Variants in NREP observed in about 807,000 individuals in gnomAD.
NREP encodes neuronal regeneration-related protein.
NREP carries 5 observed loss-of-function variants against 8.6 expected under a neutral mutation model. The observed-to-expected ratio is 0.58, with a 90% CI of 0.30 to 1.22. NREP has a LOEUF of 1.22. Ranked by LOEUF, NREP falls within the 50% of genes most tolerant of loss-of-function variation. NREP has a pLI of 0.07. For missense variants in NREP, 86 were observed against 82.5 expected (o/e 1.04, Z -0.17); for synonymous variants, 27 against 28.0 (o/e 0.96, Z 0.11).
chr5:111,943,182 G>T (rs1368187540), intron 2 of NREP, among the ~76,000 whole-genome samples: 1 of 151,950 alleles, frequency 6.6e-6, no homozygotes, highest in African/African-American at 2.4e-5. Flanking sequence ...TATGAATAAA[G>T]CTGCCTGCTA....
chr5:111,857,318 G>T (rs1184320502), intron 2 of NREP, among the ~76,000 whole-genome samples: 2 of 152,218 alleles, frequency 1.3e-5, no homozygotes, highest in African/African-American at 4.8e-5. Flanking sequence ...GGGCTTTACT[G>T]TGAGCACAAG....
chr5:111,773,877 G>T (rs1751294744), intron 2 of NREP, among the ~76,000 whole-genome samples: 1 of 152,064 alleles, frequency 6.6e-6, no homozygotes, highest in South Asian at 2.1e-4. Context: ...ATCTTGCGGG[G>T]CTTAGGGCAA....
rs139548738 is a variant in NREP, at chr5:111,858,799, C to G, written c.135+116475G>C. 2.8e-3 allele frequency among the ~76,000 whole-genome samples: 423 copies of G among 152,196 alleles called. 2 individuals are homozygous for G. The highest frequency in any genetic ancestry group is 9.3e-3 in the African/African-American group (386 of 41,538). ...AGAACTTGATCTGGCCATTTTTAAA[C>G]AAGATTCCTCTACCATTATGCTAAA... On this transcript the variant is annotated intron_variant, in intron 2 of 3. Coordinates refer to the NREP transcript ENST00000395634.
chr5:111,792,602 C>T (rs893542630), intron 2 of NREP, among the ~76,000 whole-genome samples: 6 of 152,242 alleles, frequency 3.9e-5, no homozygotes, highest in East Asian at 3.9e-4. Flanking sequence ...TTTCTCAAGA[C>T]GCTTTGCTTT....
intron 2 of NREP, among the ~76,000 whole-genome samples, chr5:111,803,578 G>T (rs1460382421): frequency 6.6e-6 from 1 of 152,042 alleles, no homozygotes; most frequent in Non-Finnish European, 1.5e-5. Context: ...ATCTTTTATT[G>T]TTCAAAGCAT....
chr5:111,935,292 T>G (rs1755652141), intron 2 of NREP, among the ~76,000 whole-genome samples: 1 of 151,992 alleles, frequency 6.6e-6, no homozygotes, highest in African/African-American at 2.4e-5. Context: ...AGATAGGACC[T>G]TACACAATAT....
At chr5:111,830,496 A>G (rs2112934860) in intron 2 of NREP, among the ~76,000 whole-genome samples, 1 of 152,362 alleles carries the variant, frequency 6.6e-6, no homozygotes, top group East Asian at 1.9e-4. Context: ...GTCAGCCATG[A>G]TGATCTCATC....
At chr5:111,781,367 G>T (rs1225970883) in intron 2 of NREP, among the ~76,000 whole-genome samples, 1 of 152,108 alleles carries the variant, frequency 6.6e-6, no homozygotes, top group Non-Finnish European at 1.5e-5. Context: ...ACATGGAAAG[G>T]CCACGTGTTT....
intron 2 of NREP, chr5:111,738,270 A>G (rs1168692402): frequency 6.6e-6 from 1 of 152,244 alleles, no homozygotes; most frequent in Non-Finnish European, 1.5e-5. Flanking sequence ...ATCTATTGAC[A>G]ATCATTAATT....
At chr5:111,785,710 A>ACATGAAG (rs553271355) in intron 2 of NREP, among the ~76,000 whole-genome samples, 2 of 152,196 alleles carry the variant, frequency 1.3e-5, no homozygotes, top group Non-Finnish European at 2.9e-5. Flanking sequence ...AAGAAAGGGG[A>ACATGAAG]CATGAAGCTG....
chr5:111,890,195 A>C (rs1754361087), intron 2 of NREP, among the ~76,000 whole-genome samples: 1 of 152,238 alleles, frequency 6.6e-6, no homozygotes, highest in Non-Finnish European at 1.5e-5. Context: ...TTCAAAACAC[A>C]GCAGGGCAGT....
At position 111,884,620 on chromosome 5, in the gene NREP, T is replaced by G. The variant is rs558716803; in HGVS notation, c.135+90654A>C. Reference sequence around the variant, plus strand: ...ATCCAGCAGCACATCAAAAAGCTTATCCACCATGATCAAGTGGGCTTCATC... The same window carrying G: ...ATCCAGCAGCACATCAAAAAGCTTAGCCACCATGATCAAGTGGGCTTCATC... On this transcript the variant is annotated intron_variant, in intron 2 of 3. Transcript: ENST00000395634. 5.3e-5 allele frequency among the ~76,000 whole-genome samples: 8 copies of G among 152,122 alleles called. No individual in the cohort carries two copies. The South Asian group carries it at 1.7e-3, about 32-fold the overall frequency.
chr5:111,793,309 A>G (rs1281137316), intron 2 of NREP, among the ~76,000 whole-genome samples: 4 of 152,136 alleles, frequency 2.6e-5, no homozygotes, highest in African/African-American at 9.7e-5. Flanking sequence ...GCCATCTGCA[A>G]GCTGGAGAAC....
intron 2 of NREP, among the ~76,000 whole-genome samples, chr5:111,771,759 A>T (rs1251891735): frequency 6.7e-6 from 1 of 148,746 alleles, no homozygotes; most frequent in East Asian, 2.0e-4. Context: ...GTGAAACTCC[A>T]TCTCAAAAAA....
At chr5:111,905,823 G>A (rs1483952627) in intron 2 of NREP, among the ~76,000 whole-genome samples, 1 of 151,934 alleles carries the variant, frequency 6.6e-6, no homozygotes, top group Non-Finnish European at 1.5e-5. Flanking sequence ...AAATTGATTG[G>A]TTTAATAAAA....
chr5:111,793,143 C>CT (rs757215952), intron 2 of NREP, among the ~76,000 whole-genome samples: 1 of 152,096 alleles, frequency 6.6e-6, no homozygotes, highest in Non-Finnish European at 1.5e-5. Context: ...ACCGTATTGC[C>CT]TTTTTTACAT....
intron 2 of NREP, among the ~76,000 whole-genome samples, chr5:111,868,131 G>A (rs540736404): frequency 3.7e-4 from 56 of 152,110 alleles, no homozygotes; most frequent in East Asian, 9.7e-4. Context: ...CAAACATCGC[G>A]TCTTTATCTC....
At chr5:111,881,665 C>T (rs912754881) in intron 2 of NREP, among the ~76,000 whole-genome samples, 12 of 152,140 alleles carry the variant, frequency 7.9e-5, no homozygotes, top group African/African-American at 7.2e-5. Flanking sequence ...GCAGCATTTG[C>T]GGTCCATGAA....
At chr5:111,856,295 T>C (rs568456236) in intron 2 of NREP, among the ~76,000 whole-genome samples, 30 of 152,302 alleles carry the variant, frequency 2.0e-4, no homozygotes, top group African/African-American at 7.2e-4. Context: ...TTGCTTAAGG[T>C]CATACAGATA....
Sources: gnomAD v4.1 joint callset for allele counts (sites outside exome capture counted in the v4.1 genomes callset) on GRCh38, gnomAD v4.1.1 for gene constraint, MANE v1.5 for transcripts, NCBI Gene and HGNC (gene_info 2026-07-23, HGNC 2026-07-21) for gene names.